Variants in SUGCT observed in about 807,000 individuals in gnomAD.
The protein encoded by SUGCT is succinyl-CoA:glutarate CoA-transferase.
SUGCT carries 41 observed loss-of-function variants against 55.0 expected under a neutral mutation model. The observed-to-expected ratio is 0.74, with a 90% CI of 0.58 to 0.97. The LOEUF (loss-of-function observed/expected upper bound fraction) is 0.97, where lower values mean the gene tolerates loss of function less well. Among genes scored for constraint, SUGCT ranks in the 50% least tolerant of loss-of-function variants. The pLI, the probability that SUGCT is intolerant of heterozygous loss-of-function variation, is 0.00. For missense variants in SUGCT, 568 were observed against 547.8 expected (o/e 1.04, Z -0.37); for synonymous variants, 187 against 200.4 (o/e 0.93, Z 0.56).
chr7:40,462,449 AT>A, intron 11 of SUGCT, among the ~76,000 whole-genome samples: 1 of 151,424 alleles, frequency 6.6e-6, no homozygotes. Flanking sequence ...GAAATAAAGG[AT>A]TTTTTTTTCT....
the SUGCT span, among the ~76,000 whole-genome samples, chr7:40,913,787 C>T: frequency 6.6e-6 from 1 of 152,158 alleles, no homozygotes; most frequent in Non-Finnish European, 1.5e-5. Flanking sequence ...GCTCTATCTG[C>T]AGTATGCTCC....
chr7:40,281,820 G>A (rs1792969499), intron 8 of SUGCT, among the ~76,000 whole-genome samples: 1 of 136,234 alleles, frequency 7.3e-6, no homozygotes, highest in African/African-American at 2.6e-5. Flanking sequence ...TTGTTTGTTT[G>A]TTTTAGATGT....
intron 13 of SUGCT, among the ~76,000 whole-genome samples, chr7:40,828,714 A>G (rs1313351116): frequency 6.6e-6 from 1 of 152,194 alleles, no homozygotes; most frequent in Non-Finnish European, 1.5e-5. Flanking sequence ...ACCTTTATGC[A>G]GTAAGAGCTA....
chr7:40,590,243 C>G (rs1395418534), intron 12 of SUGCT, among the ~76,000 whole-genome samples: 1 of 152,144 alleles, frequency 6.6e-6, no homozygotes, highest in East Asian at 1.9e-4. Context: ...TTGGGCCTTC[C>G]TATTTCCTGA....
chr7:40,232,271 C>T (rs927823220), intron 6 of SUGCT, among the ~76,000 whole-genome samples: 2 of 152,248 alleles, frequency 1.3e-5, no homozygotes, highest in Middle Eastern at 3.4e-3. Flanking sequence ...TGCTTGGAAG[C>T]CTCAAAGCTG....
intron 11 of SUGCT, among the ~76,000 whole-genome samples, chr7:40,481,032 A>C (rs1791004339): frequency 6.6e-6 from 1 of 152,144 alleles, no homozygotes; most frequent in Non-Finnish European, 1.5e-5. Flanking sequence ...TTAAAAAATC[A>C]AGTCTGGTGC....
At chr7:40,963,873 A>G in the SUGCT span, among the ~76,000 whole-genome samples, 2 of 152,188 alleles carry the variant, frequency 1.3e-5, no homozygotes, top group African/African-American at 4.8e-5. Flanking sequence ...AAGATGTCAG[A>G]TGCAGGTTTA....
intron 9 of SUGCT, among the ~76,000 whole-genome samples, chr7:40,444,158 A>C (rs1483286564): frequency 1.3e-5 from 2 of 152,180 alleles, no homozygotes; most frequent in African/African-American, 4.8e-5. Flanking sequence ...AGGTAGCGTG[A>C]TGCCTCCAGC....
intron 12 of SUGCT, among the ~76,000 whole-genome samples, chr7:40,576,486 T>C (rs1047997470): frequency 6.6e-6 from 1 of 152,192 alleles, no homozygotes; most frequent in African/African-American, 2.4e-5. Context: ...GCAGGGAACA[T>C]GTGAGTCAGG....
intron 13 of SUGCT, among the ~76,000 whole-genome samples, chr7:40,800,196 C>G (rs577734819): frequency 6.6e-6 from 1 of 152,120 alleles, no homozygotes; most frequent in African/African-American, 2.4e-5. Flanking sequence ...TGCTGATGCT[C>G]CATGCCTTGG....
intron 9 of SUGCT, among the ~76,000 whole-genome samples, chr7:40,358,307 G>T (rs1797975266): frequency 6.6e-6 from 1 of 152,184 alleles, no homozygotes; most frequent in Admixed American, 6.5e-5. Context: ...AGTAATAATA[G>T]CTGGAGAGCA....
chr7:40,860,330 T>TA lies in SUGCT; in HGVS notation c.1169dup (p.Tyr390Ter), dbSNP rs1344872795. 1.9e-6 allele frequency: 3 copies of TA among 1,613,936 alleles called. No individual in the cohort carries two copies. The highest frequency in any genetic ancestry group is 2.5e-6 in the Non-Finnish European group (3 of 1,179,864). ...TCCTTTGGCAGGCCCAGCTGTGAGA[T>TA]ACAGTAAGTTCAAGATGTCAGAGGC... ...KISVPGPAVR[Y>*]SKFKMSEARP... Residue 390 changes from tyrosine to a stop codon, truncating the protein, a stop_gained and frameshift_variant, in exon 14 of 14, where the codon TAC (tyrosine) becomes TAAC (stop). Transcript: ENST00000335693. LOFTEE classifies it high-confidence loss of function.
At chr7:40,432,685 C>CAAAAA (rs61055999) in intron 9 of SUGCT, among the ~76,000 whole-genome samples, 2 of 115,676 alleles carry the variant, frequency 1.7e-5, no homozygotes, top group Non-Finnish European at 3.6e-5. Flanking sequence ...GACTCCCTCT[C>CAAAAA]AAAAAAAAAA....
At chr7:40,475,272 T>C (rs1306188707) in intron 11 of SUGCT, among the ~76,000 whole-genome samples, 3 of 152,152 alleles carry the variant, frequency 2.0e-5, no homozygotes, top group African/African-American at 4.8e-5. Flanking sequence ...AAGTCCTTGT[T>C]TGGGTTCAGC....
intron 8 of SUGCT, among the ~76,000 whole-genome samples, chr7:40,312,081 C>A (rs1167113525): frequency 1.4e-5 from 2 of 147,470 alleles, no homozygotes; most frequent in African/African-American, 5.0e-5. Context: ...GTCTTGTTGC[C>A]CAGGCTGGAG....
chr7:40,637,979 T>G (rs1057080488), intron 12 of SUGCT, among the ~76,000 whole-genome samples: 3 of 152,228 alleles, frequency 2.0e-5, no homozygotes, highest in Admixed American at 6.5e-5. Flanking sequence ...TGATACTGGT[T>G]GAAATTTTTA....
chr7:40,595,659 C>T (rs747872556), intron 12 of SUGCT, among the ~76,000 whole-genome samples: 5 of 150,020 alleles, frequency 3.3e-5, no homozygotes, highest in East Asian at 2.0e-4. Context: ...AAAAAAAGTA[C>T]GGTAAATTTT....
chr7:40,999,883 C>T, the SUGCT span, among the ~76,000 whole-genome samples: 30 of 152,176 alleles, frequency 2.0e-4, no homozygotes, highest in African/African-American at 6.3e-4. Context: ...ATATTTGTTA[C>T]TATATCAATT....
At chr7:40,848,817 C>A (rs1793711211) in intron 13 of SUGCT, among the ~76,000 whole-genome samples, 1 of 152,114 alleles carries the variant, frequency 6.6e-6, no homozygotes, top group Non-Finnish European at 1.5e-5. Flanking sequence ...TTCTCTATGG[C>A]CTTATCTCAC....
Sources: allele counts gnomAD v4.1 joint callset (sites outside exome capture counted in the v4.1 genomes callset), GRCh38; gene constraint gnomAD v4.1.1; transcripts MANE v1.5; gene names NCBI Gene and HGNC (gene_info 2026-07-23, HGNC 2026-07-21).